The following KLF12 variants were observed in gnomAD, a reference collection of about 807,000 sequenced individuals.
The protein encoded by KLF12 is Krueppel-like factor 12.
KLF12 carries 9 observed loss-of-function variants against 37.8 expected under a neutral mutation model. The ratio of observed to expected loss-of-function variants is 0.24; its 90% CI spans 0.14 to 0.42. KLF12 has a LOEUF of 0.42. KLF12 is among the 10% of genes least tolerant of loss of function. The pLI, the probability that KLF12 is intolerant of heterozygous loss-of-function variation, is 1.00. For missense variants in KLF12, 411 were observed against 516.0 expected (o/e 0.80, Z 1.97); for synonymous variants, 208 against 202.1 (o/e 1.03, Z -0.25).
intron 5 of KLF12, among the ~76,000 whole-genome samples, chr13:73,804,757 A>G (rs2138368925): frequency 6.6e-6 from 1 of 152,284 alleles, no homozygotes; most frequent in South Asian, 2.1e-4. Flanking sequence ...AACAGGCATG[A>G]TATTTAGTCA....
chr13:73,969,004 C>T (rs1181898542), intron 2 of KLF12, among the ~76,000 whole-genome samples: 1 of 143,250 alleles, frequency 7.0e-6, no homozygotes, highest in Non-Finnish European at 1.5e-5. Context: ...CCTCATCTCA[C>T]ATCTCTCTCC....
intron 3 of KLF12, among the ~76,000 whole-genome samples, chr13:73,923,789 G>A (rs141915095): frequency 1.1e-3 from 164 of 152,278 alleles, no homozygotes; most frequent in African/African-American, 3.7e-3. Context: ...TAGGTCTGGC[G>A]TGGGAACCCA....
chr13:73,720,729 T>A (rs1430865761), intron 6 of KLF12, among the ~76,000 whole-genome samples: 1 of 152,106 alleles, frequency 6.6e-6, no homozygotes, highest in African/African-American at 2.4e-5. Flanking sequence ...AAAAGTCACA[T>A]CCAAGAACAG....
rs376026640 is a variant in KLF12, at chr13:74,040,781, TAAC to T, written c.-31-45731_-31-45729del. Among the ~76,000 whole-genome samples the T allele has an allele frequency of 4.7e-3, 714 of 152,306 alleles. 3 individuals are homozygous for T. Among genetic ancestry groups the T allele is most frequent in the Middle Eastern group, 0.014 (4 of 294 alleles). On this transcript the variant is annotated intron_variant, in intron 1 of 7. Transcript: ENST00000377669. ...AAGCTGAGGAAGTCAAAAATGTTCA[TAAC>T]AACTCTCACAATAATCCTTGCCTCT...
At chr13:74,064,603 T>C (rs1310566330) in intron 1 of KLF12, among the ~76,000 whole-genome samples, 1 of 152,236 alleles carries the variant, frequency 6.6e-6, no homozygotes, top group Non-Finnish European at 1.5e-5. Flanking sequence ...AGAGTTATCA[T>C]GTCTCTCTGC....
At chr13:73,920,101 T>C (rs547906550) in intron 3 of KLF12, among the ~76,000 whole-genome samples, 2 of 152,316 alleles carry the variant, frequency 1.3e-5, no homozygotes, top group African/African-American at 4.8e-5. Context: ...AAAAGCCTGT[T>C]CTAAACAATA....
the KLF12 span, among the ~76,000 whole-genome samples, chr13:74,223,337 T>C: frequency 0.015 from 2,259 of 152,276 alleles, 57 homozygotes; most frequent in African/African-American, 0.052. Context: ...AGTTTATGAG[T>C]AGAACTTTTG....
At chr13:73,901,095 T>C (rs941197883) in intron 3 of KLF12, among the ~76,000 whole-genome samples, 1 of 152,232 alleles carries the variant, frequency 6.6e-6, no homozygotes, top group African/African-American at 2.4e-5. Flanking sequence ...CATGGGTCAC[T>C]CTTAATTGTG....
intron 3 of KLF12, among the ~76,000 whole-genome samples, chr13:73,924,252 A>C (rs1889267400): frequency 6.6e-6 from 1 of 152,178 alleles, no homozygotes; most frequent in Admixed American, 6.5e-5. Context: ...GCTTTGCTTT[A>C]TTGTGCTTCA....
chr13:74,065,652 T>C (rs975496102), intron 1 of KLF12, among the ~76,000 whole-genome samples: 5 of 152,064 alleles, frequency 3.3e-5, no homozygotes, highest in Non-Finnish European at 7.4e-5. Flanking sequence ...GATCATATTC[T>C]GTGTCCTTGT....
At chr13:73,888,232 G>A (rs1003776825) in intron 3 of KLF12, among the ~76,000 whole-genome samples, 1 of 152,040 alleles carries the variant, frequency 6.6e-6, no homozygotes, top group Non-Finnish European at 1.5e-5. Flanking sequence ...GTGAACTCCT[G>A]AGCTCAAGTG....
chr13:73,918,523 T>C (rs1888956435), intron 3 of KLF12, among the ~76,000 whole-genome samples: 1 of 152,204 alleles, frequency 6.6e-6, no homozygotes, highest in East Asian at 1.9e-4. Flanking sequence ...AGAACTATTT[T>C]AGGCCGATTT....
chr13:74,060,492 G>GTGTGTGTGTGTGTGTGTC (rs1555336634), intron 1 of KLF12, among the ~76,000 whole-genome samples: 2,671 of 103,192 alleles, frequency 0.026, 96 homozygotes, highest in African/African-American at 0.081. Context: ...TTTTGTGTGT[G>GTGTGTGTGTGTGTGTGTC]TGTGTGTGTG....
intron 4 of KLF12, among the ~76,000 whole-genome samples, chr13:73,823,535 A>G (rs562862487): frequency 2.6e-5 from 4 of 152,240 alleles, no homozygotes; most frequent in Admixed American, 2.6e-4. Context: ...TGCAAGGTTA[A>G]AGATAAGTCT....
At chr13:73,910,359 A>C (rs561346144) in intron 3 of KLF12, among the ~76,000 whole-genome samples, 2 of 152,300 alleles carry the variant, frequency 1.3e-5, no homozygotes, top group Admixed American at 6.5e-5. Flanking sequence ...TCTAGTACTC[A>C]AATGCCTAAA....
chr13:74,285,481 A>G, the KLF12 span, among the ~76,000 whole-genome samples: 2 of 152,216 alleles, frequency 1.3e-5, no homozygotes, highest in Non-Finnish European at 1.5e-5. Context: ...TTCTGCCACA[A>G]TTGCATAACT....
At chr13:74,027,952 A>T (rs1278365126) in intron 1 of KLF12, among the ~76,000 whole-genome samples, 1 of 152,192 alleles carries the variant, frequency 6.6e-6, no homozygotes, top group Non-Finnish European at 1.5e-5. Flanking sequence ...GTATGTCAAC[A>T]ATTATTTCTG....
chr13:74,189,780 TC>T, the KLF12 span, among the ~76,000 whole-genome samples: 1 of 152,216 alleles, frequency 6.6e-6, no homozygotes, highest in Non-Finnish European at 1.5e-5. Flanking sequence ...CATCTTTTTT[TC>T]ATCTTAACAA....
chr13:73,720,859 C>T (rs962582778), intron 6 of KLF12, among the ~76,000 whole-genome samples: 1 of 152,100 alleles, frequency 6.6e-6, no homozygotes, highest in Non-Finnish European at 1.5e-5. Context: ...ATGTCCTTCA[C>T]TGAAACTGGA....
Sources: gnomAD v4.1 joint callset for allele counts (sites outside exome capture counted in the v4.1 genomes callset) on GRCh38, gnomAD v4.1.1 for gene constraint, MANE v1.5 for transcripts, NCBI Gene and HGNC (gene_info 2026-07-23, HGNC 2026-07-21) for gene names.